Variants in EIF4G3 observed in about 807,000 individuals in gnomAD.
EIF4G3 encodes the protein eukaryotic translation initiation factor 4 gamma 3, also known as eIF-4-gamma 3.
In EIF4G3, 34 loss-of-function variants were observed where a neutral mutation model predicts 186.4. The ratio of observed to expected loss-of-function variants is 0.18; its 90% CI spans 0.14 to 0.24. The LOEUF (loss-of-function observed/expected upper bound fraction) is 0.24. Ranked by LOEUF, EIF4G3 falls within the 10% of genes least tolerant of loss-of-function variation. The pLI is 1.00. For synonymous variants in EIF4G3, 673 were observed against 679.5 expected (o/e 0.99, Z 0.15); for missense variants, 1,536 against 1,948.5 (o/e 0.79, Z 3.99).
intron 20 of EIF4G3, among the ~76,000 whole-genome samples, chr1:20,870,933 A>G: frequency 6.6e-6 from 1 of 152,140 alleles, no homozygotes; most frequent in South Asian, 2.1e-4. Context: ...AGCTTGGTGG[A>G]CACAGGCAGC....
At chr1:20,905,353 T>C (rs1257986070) in intron 14 of EIF4G3, among the ~76,000 whole-genome samples, 2 of 152,208 alleles carry the variant, frequency 1.3e-5, no homozygotes, top group African/African-American at 4.8e-5. Flanking sequence ...GCCCCTACAT[T>C]ACTCAGCTAT....
At chr1:20,817,681 G>GTTTTTTT (rs34471464) in intron 33 of EIF4G3, 143 bp from the exon 34 acceptor site, 3 of 149,978 alleles carry the variant, frequency 2.0e-5, no homozygotes, top group Non-Finnish European at 2.4e-5. Context: ...TATGTTTGTA[G>GTTTTTTT]TTTTTTTTTT....
rs114228724 is a variant in EIF4G3, at chr1:20,858,306, G to A, written c.3245-809C>T. On this transcript the variant is annotated intron_variant, in intron 24 of 36. Coordinates refer to ENST00000602326, the MANE Select transcript of EIF4G3 (RefSeq NM_001391906.1). Reference sequence around the variant, plus strand: ...GTCCCCATCTTCTACCACTCTCCCCGTCAGGCCCTTCTTAGGTTCAGCTGC... The same window carrying A: ...GTCCCCATCTTCTACCACTCTCCCCATCAGGCCCTTCTTAGGTTCAGCTGC... Among the ~76,000 whole-genome samples the A allele has an allele frequency of 9.9e-3, 1,508 of 152,142 alleles. 16 individuals are homozygous for A. The highest frequency in any genetic ancestry group is 0.017 in the Non-Finnish European group (1,161 of 67,998).
chr1:20,835,333 GAACA>G (rs1266131006), intron 30 of EIF4G3, among the ~76,000 whole-genome samples: 1 of 151,616 alleles, frequency 6.6e-6, no homozygotes, highest in African/African-American at 2.4e-5. Context: ...AGAAAAAGAA[GAACA>G]AACTAAGCCC....
chr1:20,964,773 A>G (rs1366199310), intron 12 of EIF4G3, among the ~76,000 whole-genome samples: 2 of 152,152 alleles, frequency 1.3e-5, no homozygotes, highest in Non-Finnish European at 2.9e-5. Context: ...CTGACCCAAA[A>G]CACAACATAT....
intron 11 of EIF4G3, 133 bp downstream of exon 11, chr1:20,972,869 A>C: frequency 1.5e-6 from 1 of 654,046 alleles, no homozygotes; most frequent in Non-Finnish European, 2.5e-6. Flanking sequence ...AAGTGGTGTG[A>C]CTATAAGGGA....
chr1:21,015,756 G>GAA (rs71569803), intron 4 of EIF4G3, among the ~76,000 whole-genome samples: 8,943 of 132,032 alleles, frequency 0.068, 384 homozygotes, highest in East Asian at 0.14. Flanking sequence ...TGAAAGGAAA[G>GAA]AAAAAAAAAA....
intron 7 of EIF4G3, among the ~76,000 whole-genome samples, chr1:20,994,487 C>A (rs1027057498): frequency 6.6e-6 from 1 of 151,992 alleles, no homozygotes; most frequent in Non-Finnish European, 1.5e-5. Context: ...GAAAAAAGTG[C>A]CAGCTACCTG....
chr1:21,047,651 T>C (rs1266988488), intron 4 of EIF4G3, among the ~76,000 whole-genome samples: 1 of 152,174 alleles, frequency 6.6e-6, no homozygotes, highest in Non-Finnish European at 1.5e-5. Context: ...TTCATATGTG[T>C]AGGACTCTCA....
chr1:20,927,769 A>G (rs1278833039), intron 14 of EIF4G3, among the ~76,000 whole-genome samples: 1 of 152,218 alleles, frequency 6.6e-6, no homozygotes, highest in Non-Finnish European at 1.5e-5. Flanking sequence ...TTATGTTCTG[A>G]TCATGAAGAA....
intron 15 of EIF4G3, among the ~76,000 whole-genome samples, chr1:20,902,238 A>G (rs1268427043): frequency 6.6e-6 from 1 of 151,846 alleles, no homozygotes; most frequent in Non-Finnish European, 1.5e-5. Context: ...TAATTTTTGT[A>G]TTTTTAGTAG....
intron 2 of EIF4G3, among the ~76,000 whole-genome samples, chr1:21,143,202 T>C (rs139979511): frequency 0.029 from 4,388 of 151,742 alleles, 135 homozygotes; most frequent in East Asian, 0.14. Flanking sequence ...TGAGCCGATA[T>C]TGCGCCACTG....
intron 19 of EIF4G3, among the ~76,000 whole-genome samples, chr1:20,883,931 AGAG>A (rs1157464609): frequency 1.3e-5 from 2 of 152,202 alleles, no homozygotes; most frequent in Non-Finnish European, 2.9e-5. Context: ...ATGTTGTAAT[AGAG>A]GAGAAAGAAG....
intron 34 of EIF4G3, among the ~76,000 whole-genome samples, chr1:20,814,750 TCC>T (rs200286493): frequency 0.13 from 2,685 of 20,446 alleles, 266 homozygotes; most frequent in African/African-American, 0.17. Flanking sequence ...AAAATTCATC[TCC>T]CCCTCCCCCT....
At chr1:20,944,010 G>A (rs1423104270) in intron 13 of EIF4G3, among the ~76,000 whole-genome samples, 1 of 149,900 alleles carries the variant, frequency 6.7e-6, no homozygotes, top group Non-Finnish European at 1.5e-5. Context: ...GTGTGTGTGT[G>A]TGTGTGTGTG....
chr1:21,099,942 A>C (rs939940037), intron 2 of EIF4G3, among the ~76,000 whole-genome samples: 1 of 152,218 alleles, frequency 6.6e-6, no homozygotes, highest in African/African-American at 2.4e-5. Context: ...AGCATTATAT[A>C]TAATAGCAAA....
chr1:20,972,842 T>C (rs2076163838), intron 11 of EIF4G3, among the ~76,000 whole-genome samples, 160 bp downstream of exon 11: 1 of 150,536 alleles, frequency 6.6e-6, no homozygotes, highest in South Asian at 2.1e-4. Flanking sequence ...TACATGCCCA[T>C]ACAAATCCTC....
In EIF4G3 at chr1:21,086,395, A is replaced by AC. The variant is rs145213309; in HGVS notation, c.-196+2742dup. On this transcript the variant is annotated intron_variant, in intron 3 of 36. Transcript: ENST00000602326. ...GCAAATATACAAAGATCAGCTTAAA[A>AC]CCCCCCCAACCAACCTACATACTCT... Among the ~76,000 whole-genome samples the AC allele has an allele frequency of 9.8e-3, 1,447 of 147,722 alleles. 15 individuals are homozygous for AC. The highest frequency in any genetic ancestry group is 0.032 in the African/African-American group (1,278 of 40,012).
intron 14 of EIF4G3, among the ~76,000 whole-genome samples, chr1:20,936,802 C>G (rs574733524): frequency 5.1e-4 from 78 of 152,236 alleles, no homozygotes; most frequent in African/African-American, 1.7e-3. Flanking sequence ...TTCAGTAAGT[C>G]TAAACTAAAA....
Sources: gnomAD v4.1 joint callset for allele counts (sites outside exome capture counted in the v4.1 genomes callset) on GRCh38, gnomAD v4.1.1 for gene constraint, MANE v1.5 for transcripts, NCBI Gene and HGNC (gene_info 2026-07-23, HGNC 2026-07-21) for gene names.